The following AUTS2 variants were observed in gnomAD, a reference collection of about 807,000 sequenced individuals.
The protein encoded by AUTS2 is autism susceptibility gene 2 protein.
In AUTS2, 17 loss-of-function variants were observed where a neutral mutation model predicts 112.4. The ratio of observed to expected loss-of-function variants is 0.15; its 90% confidence interval spans 0.10 to 0.23. AUTS2 has a LOEUF of 0.23. Ranked by LOEUF, AUTS2 falls within the 10% of genes least tolerant of loss-of-function variation. The pLI is 1.00. For synonymous variants in AUTS2, 751 were observed against 702.7 expected, an observed-to-expected ratio of 1.07 and a Z score of -1.09; for missense variants, 1,510 against 1,701.6, an observed-to-expected ratio of 0.89 and a Z score of 1.98.
chr7:70,151,313 T>A (rs1472756429), intron 4 of AUTS2, among the ~76,000 whole-genome samples: 1 of 152,084 alleles, frequency 6.6e-6, no homozygotes, highest in Non-Finnish European at 1.5e-5. Flanking sequence ...AACAGTGCCT[T>A]ACATTAACCC....
chr7:69,640,721 C>T (rs1003356836), intron 1 of AUTS2, among the ~76,000 whole-genome samples: 4 of 152,170 alleles, frequency 2.6e-5, no homozygotes, highest in Non-Finnish European at 4.4e-5. Context: ...GAATATTGTT[C>T]ATTCCACTCT....
At chr7:70,664,807 G>A (rs1030137643) in intron 5 of AUTS2, among the ~76,000 whole-genome samples, 4 of 152,090 alleles carry the variant, frequency 2.6e-5, no homozygotes, top group African/African-American at 9.7e-5. Context: ...ACGGTGCCCC[G>A]CGCCTGTAAT....
At chr7:69,800,672 G>C (rs1723883718) in intron 1 of AUTS2, among the ~76,000 whole-genome samples, 1 of 152,174 alleles carries the variant, frequency 6.6e-6, no homozygotes, top group South Asian at 2.1e-4. Flanking sequence ...ATTTATCTCT[G>C]CTCCCTTGAT....
At chr7:70,251,068 CTT>C (rs972780982) in intron 4 of AUTS2, among the ~76,000 whole-genome samples, 1 of 146,820 alleles carries the variant, frequency 6.8e-6, no homozygotes. Context: ...TAAAATATTT[CTT>C]TTTTTTTTTG....
chr7:70,252,316 A>G (rs998140872), intron 4 of AUTS2, among the ~76,000 whole-genome samples: 2 of 151,976 alleles, frequency 1.3e-5, no homozygotes, highest in African/African-American at 4.8e-5. Flanking sequence ...TTGATATCTC[A>G]TTGTGGCTTT....
chr7:70,174,557 A>C (rs1808883404), intron 4 of AUTS2, among the ~76,000 whole-genome samples: 2 of 152,236 alleles, frequency 1.3e-5, no homozygotes, highest in Admixed American at 1.3e-4. Context: ...GCTAGAAAGG[A>C]GAAGTCCCAT....
intron 5 of AUTS2, among the ~76,000 whole-genome samples, chr7:70,484,112 TTCTACACAG>T (rs1244761383): frequency 8.5e-5 from 13 of 152,214 alleles, no homozygotes; most frequent in South Asian, 4.1e-4. Context: ...CTAATGATAC[TTCTACACAG>T]ATTATTAATT....
chr7:69,645,911 G>T (rs1230869528), intron 1 of AUTS2, among the ~76,000 whole-genome samples: 1 of 151,884 alleles, frequency 6.6e-6, no homozygotes, highest in Non-Finnish European at 1.5e-5. Context: ...TGGACTAGAG[G>T]TCAGGACTCT....
At chr7:70,686,922 C>T (rs550193029) in intron 5 of AUTS2, among the ~76,000 whole-genome samples, 23 of 152,242 alleles carry the variant, frequency 1.5e-4, no homozygotes, top group East Asian at 1.3e-3. Context: ...TCTTCTTTTC[C>T]GCTGAACACA....
chr7:70,319,043 C>G (rs1790129813), intron 4 of AUTS2, among the ~76,000 whole-genome samples: 1 of 152,170 alleles, frequency 6.6e-6, no homozygotes, highest in Non-Finnish European at 1.5e-5. Flanking sequence ...ATTTATAGAA[C>G]AAGCATCCAC....
intron 1 of AUTS2, among the ~76,000 whole-genome samples, chr7:69,783,772 AGGTCT>A (rs1379159182): frequency 6.6e-6 from 1 of 152,152 alleles, no homozygotes; most frequent in African/African-American, 2.4e-5. Flanking sequence ...CCTGTTTCTG[AGGTCT>A]GGGATTTATC....
At chr7:69,600,011 T>C in intron 1 of AUTS2, 49 bp downstream of exon 1, 1 of 1,594,510 alleles carries the variant, frequency 6.3e-7, no homozygotes, top group Non-Finnish European at 8.6e-7. Context: ...ACGACCCCAC[T>C]CGGCTGCGCC....
At chr7:70,210,196 C>T (rs1385739013) in intron 4 of AUTS2, among the ~76,000 whole-genome samples, 2 of 152,188 alleles carry the variant, frequency 1.3e-5, no homozygotes, top group Non-Finnish European at 2.9e-5. Flanking sequence ...CTTCTACATG[C>T]AGATGCAGCA....
At chr7:69,790,245 T>C (rs1285047027) in intron 1 of AUTS2, among the ~76,000 whole-genome samples, 2 of 152,278 alleles carry the variant, frequency 1.3e-5, no homozygotes, top group African/African-American at 4.8e-5. Flanking sequence ...CAGCTTTGAT[T>C]GTACCACTGC....
intron 6 of AUTS2, among the ~76,000 whole-genome samples, chr7:70,721,114 C>T (rs1385784222): frequency 6.6e-6 from 1 of 151,666 alleles, no homozygotes; most frequent in African/African-American, 2.4e-5. Flanking sequence ...GCACCATTTG[C>T]TGAGCCCCAA....
chr7:70,216,178 A>C (rs1811156200), intron 4 of AUTS2, among the ~76,000 whole-genome samples: 1 of 152,120 alleles, frequency 6.6e-6, no homozygotes, highest in African/African-American at 2.4e-5. Flanking sequence ...TCCTCCCCAT[A>C]CCTCAAATTA....
At chr7:70,317,960 T>A (rs990869782) in intron 4 of AUTS2, among the ~76,000 whole-genome samples, 6 of 152,148 alleles carry the variant, frequency 3.9e-5, no homozygotes, top group African/African-American at 1.4e-4. Context: ...AATCTGAGAC[T>A]TCTAAAATGT....
chr7:69,605,613 A>G (rs1792676303), intron 1 of AUTS2, among the ~76,000 whole-genome samples: 3 of 152,242 alleles, frequency 2.0e-5, no homozygotes, highest in Admixed American at 1.3e-4. Context: ...TGTTAAAACA[A>G]CGATTTCAAA....
At chr7:70,709,755 C>T (rs564874931) in intron 6 of AUTS2, among the ~76,000 whole-genome samples, 30 of 152,318 alleles carry the variant, frequency 2.0e-4, no homozygotes, top group African/African-American at 6.0e-4. Context: ...CAGAACCTGA[C>T]GCTTCTGCTG....
Sources: gnomAD v4.1 joint callset for allele counts (sites outside exome capture counted in the v4.1 genomes callset) on GRCh38, gnomAD v4.1.1 for gene constraint, MANE v1.5 for transcripts, NCBI Gene and HGNC (gene_info 2026-07-23, HGNC 2026-07-21) for gene names.